SEC31A: variants seen among roughly 807,000 people sequenced by gnomAD.
The protein encoded by SEC31A is protein transport protein Sec31A.
A neutral mutation model predicts 151.0 loss-of-function variants in SEC31A; 70 were observed. That is an observed-to-expected ratio of 0.46 (90% CI 0.38 to 0.57). SEC31A has a LOEUF of 0.57. SEC31A is among the 20% of genes least tolerant of loss of function. The pLI is 0.00. For missense variants in SEC31A, 1,330 were observed against 1,471.2 expected, an observed-to-expected ratio of 0.90 and a Z score of 1.57; for synonymous variants, 475 against 505.9, an observed-to-expected ratio of 0.94 and a Z score of 0.82.
chr4:82,845,773 A>C (rs192987181), intron 20 of SEC31A, among the ~76,000 whole-genome samples: 6 of 152,180 alleles, frequency 3.9e-5, no homozygotes, highest in Non-Finnish European at 8.8e-5. Flanking sequence ...CACAAAAGTC[A>C]TATCAGTCCA....
Position 82,830,396 on chromosome 4 carries a change from G to C in SEC31A, c.2969-1338C>G, listed in dbSNP as rs113490497. Among the ~76,000 whole-genome samples the C allele has an allele frequency of 2.5e-4, 38 of 152,298 alleles. 2 individuals are homozygous for C. Among genetic ancestry groups the C allele is most frequent in the African/African-American group, 9.1e-4 (38 of 41,554 alleles). ...AATTGCTTGAACCTGGGAGGTGGAG[G>C]TTGCAGTGAACCAAGATTGTGTCAC... On this transcript the variant is annotated intron_variant, in intron 22 of 26. Coordinates refer to ENST00000395310, the MANE Select transcript of SEC31A (RefSeq NM_001077207.4).
intron 23 of SEC31A, among the ~76,000 whole-genome samples, chr4:82,828,181 G>A (rs1347567239): frequency 6.6e-6 from 1 of 152,120 alleles, no homozygotes; most frequent in Non-Finnish European, 1.5e-5. Context: ...CCAAAGTGCT[G>A]GGATTACAAG....
At chr4:82,833,209 G>A (rs1041062971) in intron 22 of SEC31A, among the ~76,000 whole-genome samples, 1 of 152,158 alleles carries the variant, frequency 6.6e-6, no homozygotes, top group Non-Finnish European at 1.5e-5. Flanking sequence ...TATACACCAT[G>A]GAATACTATG....
chr4:82,824,441 A>ATCAGG, intron 25 of SEC31A, 114 bp downstream of exon 25: 1 of 1,096,726 alleles, frequency 9.1e-7, no homozygotes, highest in Non-Finnish European at 1.3e-6. Flanking sequence ...CTGGCTTCAA[A>ATCAGG]TGATCCACCT....
chr4:82,824,503 C>CA, intron 25 of SEC31A, 52 bp downstream of exon 25: 2 of 1,590,472 alleles, frequency 1.3e-6, no homozygotes, highest in Non-Finnish European at 1.7e-6. Context: ...CCACACCTGG[C>CA]CAAGGATTCT....
chr4:82,880,889 C>A lies in SEC31A; in HGVS notation c.113G>T (p.Ser38Ile), dbSNP rs1490612239. 2.5e-6 allele frequency: 4 copies of A among 1,610,634 alleles called. No homozygotes were observed. In the African/African-American group the frequency reaches 5.3e-5, roughly 22 times the overall value. ...TSAQQLDATF[S>I]TNASLEIFEL... Reference sequence around the variant, plus strand: ...AAATATCTCAAGGGAAGCATTCGTACTAAATGTTGCATCCAATTGCTGAGC... The same window carrying A: ...AAATATCTCAAGGGAAGCATTCGTAATAAATGTTGCATCCAATTGCTGAGC... The change falls in exon 3 of 27, where the codon AGT becomes ATT. Residue 38 changes from serine (S) to isoleucine (I), a missense_variant. By Grantham distance (142) the Ser-to-Ile change is moderately radical (BLOSUM62 -2). Coordinates refer to ENST00000395310, the MANE Select transcript of SEC31A (RefSeq NM_001077207.4).
intron 8 of SEC31A, among the ~76,000 whole-genome samples, chr4:82,867,727 G>T (rs939150002): frequency 1.3e-4 from 20 of 152,094 alleles, no homozygotes; most frequent in African/African-American, 4.8e-4. Context: ...CCACCTCCTG[G>T]GCTCAAGCAA....
chr4:82,851,548 C>A lies in SEC31A; in HGVS notation c.2211G>T (p.Met737Ile), dbSNP rs771956116. 1 of 1,613,366 alleles carries A rather than the reference C, an allele frequency of 6.2e-7. No homozygotes were observed. The highest frequency in any genetic ancestry group is 1.1e-5 in the South Asian group (1 of 90,972). ...LRKAVQLTQA[M>I]DTSTVGVLLA... Reference sequence around the variant, plus strand: ...AGAGAACTCCTACAGTACTAGTGTCCATGGCTTGAGTGAGTTGCACAGCTT... The same window carrying A: ...AGAGAACTCCTACAGTACTAGTGTCAATGGCTTGAGTGAGTTGCACAGCTT... Residue 737 changes from methionine (M) to isoleucine (I), a missense_variant, in exon 19 of 27, where the codon ATG becomes ATT. Transcript: ENST00000395310.
At chr4:82,825,415 TG>T (rs1222594872) in intron 24 of SEC31A, among the ~76,000 whole-genome samples, 2 of 152,080 alleles carry the variant, frequency 1.3e-5, no homozygotes, top group African/African-American at 4.8e-5. Context: ...TAACACGTAG[TG>T]GAAACAAAAG....
In SEC31A at chr4:82,845,269, T is replaced by C. The variant is rs1157078305; in HGVS notation, c.2503-760A>G. ...GCAGTAGGAGTTTTGTTACTCCAGG[T>C]AGTGACAGTAGGGGCAATTCTAACC... is the stretch of plus-strand genomic sequence containing the variant. On this transcript the variant is annotated intron_variant, in intron 20 of 26. Transcript: ENST00000395310. The C allele has an allele frequency of 9.1e-6, 14 of 1,532,042 alleles. No individual in the cohort carries two copies. The Admixed American group carries it at 2.6e-4, about 28-fold the overall frequency. The allele number at this position is 1,532,042 out of a possible 1,614,324, so 94.9% of individuals were successfully genotyped here.
Position 82,851,602 on chromosome 4 carries a change from ATCCT to A in SEC31A, c.2155-2_2156del, listed in dbSNP as rs1227966421. On this transcript the variant is annotated splice_acceptor_variant and coding_sequence_variant, in exon 19 of 27. Coordinates refer to ENST00000395310, the MANE Select transcript of SEC31A (RefSeq NM_001077207.4). LOFTEE classifies it high-confidence loss of function. ...GCAGGATGACAACTTTCTCAATCAG[ATCCT>A]AAATGAAAAAAATGAGTAACAAACA... 2 of 1,604,256 alleles carry A rather than the reference ATCCT, an allele frequency of 1.2e-6. No homozygotes were observed. Among genetic ancestry groups the A allele is most frequent in the African/African-American group, 1.3e-5 (1 of 74,766 alleles).
upstream of SEC31A, among the ~76,000 whole-genome samples, chr4:82,891,895 A>G (rs947728129): frequency 2.0e-5 from 3 of 152,366 alleles, no homozygotes; most frequent in African/African-American, 7.2e-5. Flanking sequence ...GGTGAAGCCA[A>G]AGGAAAATCA....
At chr4:82,865,265 G>T (rs992373515) in intron 10 of SEC31A, among the ~76,000 whole-genome samples, 7 of 152,126 alleles carry the variant, frequency 4.6e-5, no homozygotes, top group African/African-American at 1.7e-4. Context: ...TGCTAGAGAG[G>T]ATGTGGAGAA....
rs1034340050 is a variant in SEC31A at position 82,865,568 on chromosome 4, A to G, written c.1198-970T>C. Among the ~76,000 whole-genome samples the G allele has an allele frequency of 2.8e-4, 8 of 28,108 alleles. No individual in the cohort carries two copies. The East Asian group carries it at 6.6e-3, about 23-fold the overall frequency. 18.4% of individuals were successfully genotyped at this position (28,108 alleles called of 152,430 possible). ...TATATATATATATATATATATATATATATATATATATATATACAATGCAAT... is the reference window on the plus strand; with the variant it reads ...TATATATATATATATATATATATATGTATATATATATATATACAATGCAAT... On this transcript the variant is annotated intron_variant, in intron 10 of 26. Transcript: ENST00000395310.
chr4:82,844,568 A>C, intron 20 of SEC31A, 59 bp from the exon 21 acceptor site: 2 of 1,515,878 alleles, frequency 1.3e-6, no homozygotes, highest in Non-Finnish European at 1.8e-6. Context: ...ACTTCACCAG[A>C]TGGAATTACA....
In SEC31A at chr4:82,857,891, T is replaced by A. The variant is rs1733038649; in HGVS notation, c.1627-127A>T. 6 of 589,968 alleles carry A rather than the reference T, an allele frequency of 1.0e-5. No homozygotes were observed. In the East Asian group the frequency reaches 1.7e-4, roughly 17 times the overall value. 36.5% of individuals were successfully genotyped at this position (589,968 alleles called of 1,614,324 possible). A position where few individuals can be genotyped will look rare whatever the true frequency, so the allele number is the denominator to read the frequency against. On this transcript the variant is annotated intron_variant, in intron 14 of 26. Coordinates refer to ENST00000395310, the MANE Select transcript of SEC31A (RefSeq NM_001077207.4). The stretch of plus-strand genomic sequence containing the variant: ...ACATACCAAGTTATTCCAGAAAAGT[T>A]CTCAGATCCAAATTTACAACTAAGA...
At chr4:82,821,003 T>C in intron 26 of SEC31A, 34 bp downstream of exon 26, 1 of 1,559,582 alleles carries the variant, frequency 6.4e-7, no homozygotes. Flanking sequence ...TAGGAATAAA[T>C]GATTATCATA....
chr4:82,863,105 A>G (rs1384382426), intron 12 of SEC31A: 5 of 473,772 alleles, frequency 1.1e-5, no homozygotes, highest in African/African-American at 4.1e-5. Flanking sequence ...AATACAAGTT[A>G]CATAGTCATT....
chr4:82,847,205 G>A (rs1310682310), intron 20 of SEC31A, among the ~76,000 whole-genome samples: 10 of 152,182 alleles, frequency 6.6e-5, no homozygotes, highest in Non-Finnish European at 1.2e-4. Flanking sequence ...CATGGTTCAA[G>A]GGTCAACTGT....
Sources: allele counts gnomAD v4.1 joint callset (sites outside exome capture counted in the v4.1 genomes callset), GRCh38; gene constraint gnomAD v4.1.1; transcripts MANE v1.5; gene names NCBI Gene and HGNC (gene_info 2026-07-23, HGNC 2026-07-21).